Variants in MAL2 observed in about 807,000 individuals in gnomAD.
The protein encoded by MAL2 is mal, T cell differentiation protein 2, also known as protein MAL2.
A neutral mutation model predicts 18.1 loss-of-function variants in MAL2; 17 were observed. The observed-to-expected ratio is 0.94, with a 90% CI of 0.64 to 1.41. MAL2 has a LOEUF of 1.41. Among genes scored for constraint, MAL2 ranks in the 40% most tolerant of loss-of-function variants. MAL2 has a pLI of 0.00. For synonymous variants in MAL2, 102 were observed against 102.3 expected, an observed-to-expected ratio of 1.00 and a Z score of 0.02; for missense variants, 222 against 231.9, an observed-to-expected ratio of 0.96 and a Z score of 0.28.
chr8:119,233,705 G>C (rs1190420440), intron 2 of MAL2, among the ~76,000 whole-genome samples: 1 of 151,926 alleles, frequency 6.6e-6, no homozygotes, highest in Non-Finnish European at 1.5e-5. Context: ...ACCAAAAAGA[G>C]TCCAGGACCA....
chr8:119,213,098 A>G (rs1817291214), intron 1 of MAL2, among the ~76,000 whole-genome samples: 1 of 152,204 alleles, frequency 6.6e-6, no homozygotes, highest in Admixed American at 6.5e-5. Context: ...ATGGAGAAGG[A>G]GAGAGAGAGG....
rs1324406228 is a variant in MAL2, at chr8:119,234,888, A to G, written c.304-5277A>G. On this transcript the variant is annotated intron_variant, in intron 2 of 3. Coordinates refer to ENST00000614891, the MANE Select transcript of MAL2 (RefSeq NM_052886.3). ...ACAGAACATAAAAACTGGAAACTCT[A>G]AAACACAGAGCACCTCTCCTCCTCC... 6.6e-5 allele frequency among the ~76,000 whole-genome samples: 10 copies of G among 152,216 alleles called. 1 individual carries two copies. The highest frequency in any genetic ancestry group is 4.1e-4 in the South Asian group (2 of 4,822).
chr8:119,226,641 GTGAAGGCAATTAAGAAA>G (rs1817602133), intron 2 of MAL2, among the ~76,000 whole-genome samples: 2 of 33,388 alleles, frequency 6.0e-5, no homozygotes, highest in East Asian at 1.5e-3. Flanking sequence ...AATTAAGAAA[GTGAAGGCAATTAAGAAA>G]GAGGCTGGGT....
chr8:119,237,557 G>T (rs1218341153), intron 2 of MAL2, among the ~76,000 whole-genome samples: 1 of 151,606 alleles, frequency 6.6e-6, no homozygotes, highest in Non-Finnish European at 1.5e-5. Flanking sequence ...CTGGCAAAAC[G>T]AATCCAGCAG....
intron 2 of MAL2, among the ~76,000 whole-genome samples, chr8:119,230,887 ACTTTT>A (rs1817706683): frequency 1.3e-5 from 2 of 152,220 alleles, no homozygotes; most frequent in African/African-American, 4.8e-5. Context: ...AGTATGTAAC[ACTTTT>A]CTTAAATCTT....
rs1328727589 is a variant in MAL2, at chr8:119,240,261, A to C, written c.400A>C (p.Thr134Pro). 1 of 1,613,770 alleles carries C rather than the reference A, an allele frequency of 6.2e-7. No homozygotes were observed. ...CCTGCATGATTTGCATTGCAATACA[A>C]CCATAACCGGGCAGCCACTCCTGAG... ...TSLHDLHCNT[T>P]ITGQPLLSDN... Residue 134 changes from threonine (T) to proline (P), a missense_variant, in exon 3 of 4, where the codon ACC becomes CCC. Coordinates refer to ENST00000614891, the MANE Select transcript of MAL2 (RefSeq NM_052886.3).
At chr8:119,241,910 T>A (rs1818055141) in intron 3 of MAL2, among the ~76,000 whole-genome samples, 1 of 152,130 alleles carries the variant, frequency 6.6e-6, no homozygotes, top group Non-Finnish European at 1.5e-5. Flanking sequence ...TGATGCTCAT[T>A]CTCTTTTCAT....
At chr8:119,225,260 TCC>T (rs1361317347) in intron 2 of MAL2, among the ~76,000 whole-genome samples, 3 of 152,060 alleles carry the variant, frequency 2.0e-5, no homozygotes, top group Non-Finnish European at 4.4e-5. Context: ...CCTAATGCTA[TCC>T]CTCCCCACTC....
chr8:119,234,084 A>G (rs920266218), intron 2 of MAL2, among the ~76,000 whole-genome samples: 24 of 152,276 alleles, frequency 1.6e-4, no homozygotes, highest in African/African-American at 4.8e-4. Context: ...GACAGTGGGC[A>G]CAGGCCAGTG....
At chr8:119,239,865 C>A (rs1379244381) in intron 2 of MAL2, among the ~76,000 whole-genome samples, 1 of 151,822 alleles carries the variant, frequency 6.6e-6, no homozygotes, top group East Asian at 1.9e-4. Flanking sequence ...ATGTAACTAA[C>A]CTGCACATTG....
At chr8:119,233,278 C>CA (rs1482511791) in intron 2 of MAL2, among the ~76,000 whole-genome samples, 1 of 151,896 alleles carries the variant, frequency 6.6e-6, no homozygotes, top group African/African-American at 2.4e-5. Context: ...AAAGCAAGAG[C>CA]AAACAAACAC....
At chr8:119,230,972 C>T (rs893395657) in intron 2 of MAL2, among the ~76,000 whole-genome samples, 2 of 152,076 alleles carry the variant, frequency 1.3e-5, no homozygotes, top group African/African-American at 4.8e-5. Flanking sequence ...GTAGTTCTTA[C>T]CCATGGTTAG....
chr8:119,228,879 A>C (rs1817650364), intron 2 of MAL2, among the ~76,000 whole-genome samples: 1 of 152,134 alleles, frequency 6.6e-6, no homozygotes, highest in Admixed American at 6.5e-5. Flanking sequence ...ACTACAGGTA[A>C]GTGGTTGGTC....
chr8:119,212,458 C>A (rs1817281939), intron 1 of MAL2, among the ~76,000 whole-genome samples: 1 of 152,178 alleles, frequency 6.6e-6, no homozygotes, highest in Admixed American at 6.5e-5. Flanking sequence ...TAAGAACATA[C>A]TATGCATCAA....
intron 1 of MAL2, chr8:119,221,361 G>T (rs143050979): frequency 9.9e-6 from 5 of 506,360 alleles, no homozygotes; most frequent in Non-Finnish European, 1.8e-5. Context: ...TGAAGATACA[G>T]GTGTGGAGTT....
Position 119,244,568 on chromosome 8 carries a change from G to A in MAL2, c.*1080G>A, listed in dbSNP as rs540934845. On this transcript the variant is annotated 3_prime_UTR_variant, in exon 4 of 4. Coordinates refer to ENST00000614891, the MANE Select transcript of MAL2 (RefSeq NM_052886.3). ...TATACCCATATTTGTGTGTGGATAT[G>A]TGAAGCTTTTCCAAATAGAGCTCTC... 1 of 151,558 alleles carries A rather than the reference G, an allele frequency of 6.6e-6. No homozygotes were observed. Among genetic ancestry groups the A allele is most frequent in the East Asian group, 2.0e-4 (1 of 5,124 alleles). 9.4% of individuals were successfully genotyped at this position (151,558 alleles called of 1,614,324 possible).
chr8:119,211,109 G>A (rs1353521736), intron 1 of MAL2, among the ~76,000 whole-genome samples: 2 of 152,176 alleles, frequency 1.3e-5, no homozygotes, highest in Non-Finnish European at 1.5e-5. Flanking sequence ...TAGAAGCTAA[G>A]TGAACACTTT....
chr8:119,211,882 T>C (rs1281209761), intron 1 of MAL2, among the ~76,000 whole-genome samples: 1 of 152,106 alleles, frequency 6.6e-6, no homozygotes, highest in African/African-American at 2.4e-5. Context: ...ACCTTCAAAA[T>C]TCGCACTTTC....
At chr8:119,233,992 C>G (rs1380292550) in intron 2 of MAL2, among the ~76,000 whole-genome samples, 1 of 152,150 alleles carries the variant, frequency 6.6e-6, no homozygotes, top group Non-Finnish European at 1.5e-5. Context: ...CAGTCTACAG[C>G]TCCCAGCGTG....
Sources: gnomAD v4.1 joint callset for allele counts (sites outside exome capture counted in the v4.1 genomes callset) on GRCh38, gnomAD v4.1.1 for gene constraint, MANE v1.5 for transcripts, NCBI Gene and HGNC (gene_info 2026-07-23, HGNC 2026-07-21) for gene names.